The following TMEM132D variants were observed in gnomAD, a reference collection of about 807,000 sequenced individuals.
TMEM132D encodes the protein transmembrane protein 132D, also known as mature OL transmembrane protein.
A neutral mutation model predicts 62.3 loss-of-function variants in TMEM132D; 21 were observed. The observed-to-expected ratio is 0.34, with a 90% confidence interval of 0.24 to 0.49. The LOEUF (loss-of-function observed/expected upper bound fraction) is 0.49. Among genes scored for constraint, TMEM132D ranks in the 20% least tolerant of loss-of-function variants. TMEM132D has a pLI of 0.99. For missense variants in TMEM132D, 1,346 were observed against 1,402.8 expected (o/e 0.96, Z 0.65); for synonymous variants, 621 against 575.6 (o/e 1.08, Z -1.13).
intron 2 of TMEM132D, among the ~76,000 whole-genome samples, chr12:129,687,304 G>T (rs569154972): frequency 6.6e-6 from 1 of 152,154 alleles, no homozygotes; most frequent in South Asian, 2.1e-4. Context: ...TCCTTTTTTG[G>T]GGGAACAAAT....
At chr12:129,555,515 T>G (rs1877029893) in intron 2 of TMEM132D, among the ~76,000 whole-genome samples, 2 of 152,204 alleles carry the variant, frequency 1.3e-5, no homozygotes. Context: ...TCGAAGAGTT[T>G]CATGTATAAA....
At chr12:129,445,861 T>C (rs958339343) in intron 3 of TMEM132D, among the ~76,000 whole-genome samples, 5 of 152,264 alleles carry the variant, frequency 3.3e-5, no homozygotes, top group African/African-American at 1.2e-4. Context: ...GGGATAAACC[T>C]CTGCAGGGGA....
At chr12:129,201,070 A>G (rs1284260969) in intron 5 of TMEM132D, among the ~76,000 whole-genome samples, 1 of 152,226 alleles carries the variant, frequency 6.6e-6, no homozygotes, top group Non-Finnish European at 1.5e-5. Flanking sequence ...GCTGTATAAT[A>G]AAGCAGGTTC....
intron 3 of TMEM132D, among the ~76,000 whole-genome samples, chr12:129,443,276 A>C (rs1056628898): frequency 2.6e-5 from 4 of 152,180 alleles, no homozygotes; most frequent in African/African-American, 9.7e-5. Flanking sequence ...GTCTTTCAGC[A>C]ATGAGATTCT....
intron 3 of TMEM132D, among the ~76,000 whole-genome samples, chr12:129,356,489 A>G (rs1870053371): frequency 6.6e-6 from 1 of 151,620 alleles, no homozygotes; most frequent in Admixed American, 6.6e-5. Context: ...TGCCGAAGTC[A>G]ATTAACAAAT....
chr12:129,267,930 G>A (rs191620078), intron 4 of TMEM132D, among the ~76,000 whole-genome samples: 38 of 152,262 alleles, frequency 2.5e-4, no homozygotes, highest in African/African-American at 9.1e-4. Context: ...ACAAGCAATG[G>A]GGAAAGGATT....
At chr12:129,216,599 G>A (rs981930130) in intron 4 of TMEM132D, among the ~76,000 whole-genome samples, 1 of 152,170 alleles carries the variant, frequency 6.6e-6, no homozygotes, top group Non-Finnish European at 1.5e-5. Context: ...GCATGGCCCT[G>A]GTCACACCAT....
At chr12:129,843,637 AC>A (rs1239700105) in intron 1 of TMEM132D, among the ~76,000 whole-genome samples, 2 of 152,216 alleles carry the variant, frequency 1.3e-5, no homozygotes, top group African/African-American at 4.8e-5. Flanking sequence ...GCAGGAAGGG[AC>A]CTTCACAGTA....
intron 3 of TMEM132D, among the ~76,000 whole-genome samples, chr12:129,447,267 C>T (rs1177054968): frequency 2.6e-5 from 4 of 152,188 alleles, no homozygotes; most frequent in Non-Finnish European, 4.4e-5. Context: ...CTAGGTCAGT[C>T]TTCTCACTTC....
At chr12:129,559,793 C>A (rs1593066052) in intron 2 of TMEM132D, among the ~76,000 whole-genome samples, 1 of 152,162 alleles carries the variant, frequency 6.6e-6, no homozygotes, top group African/African-American at 2.4e-5. Context: ...ACTTCAATTT[C>A]TTTACAATAT....
chr12:129,713,124 A>G (rs1868436789), intron 1 of TMEM132D, among the ~76,000 whole-genome samples: 1 of 152,172 alleles, frequency 6.6e-6, no homozygotes, highest in Admixed American at 6.5e-5. Flanking sequence ...AAGTAGCAGC[A>G]GCACCTGGGA....
intron 4 of TMEM132D, among the ~76,000 whole-genome samples, chr12:129,313,413 C>A (rs1186914073): frequency 6.6e-6 from 1 of 152,102 alleles, no homozygotes; most frequent in Non-Finnish European, 1.5e-5. Context: ...TGAGGACATA[C>A]AATGTTTGAC....
chr12:129,696,808 G>A (rs1020595655), intron 2 of TMEM132D, among the ~76,000 whole-genome samples: 2 of 152,324 alleles, frequency 1.3e-5, no homozygotes, highest in African/African-American at 2.4e-5. Flanking sequence ...TTCACTTGAA[G>A]GAAAACATTT....
chr12:129,090,601 G>C (rs552832876), intron 5 of TMEM132D, among the ~76,000 whole-genome samples: 1 of 152,116 alleles, frequency 6.6e-6, no homozygotes, highest in East Asian at 1.9e-4. Context: ...CCGGGAGGTG[G>C]AAGTTGCAGT....
At chr12:129,124,945 ACAT>A (rs1438098975) in intron 5 of TMEM132D, among the ~76,000 whole-genome samples, 1 of 152,194 alleles carries the variant, frequency 6.6e-6, no homozygotes, top group African/African-American at 2.4e-5. Flanking sequence ...TAATGTAATT[ACAT>A]TTCCCCACCT....
intron 3 of TMEM132D, among the ~76,000 whole-genome samples, chr12:129,525,103 T>C (rs1407964383): frequency 6.7e-6 from 1 of 149,850 alleles, no homozygotes; most frequent in Non-Finnish European, 1.5e-5. Context: ...TTTATTTGTA[T>C]TTTAGTAGAG....
In TMEM132D at chr12:129,700,616, G is replaced by T; in HGVS notation, c.162C>A (p.Asn54Lys). ...TCAGGAAGAAGGAGACGTCCGCGTT[G>T]TTGATGTGGTAGGTCACGGGGAGGT... The part of the protein sequence containing the change: ...PTYLPVTYHI[N>K]NADVSFFLKE... Residue 54 changes from asparagine to lysine, a missense_variant, in exon 2 of 9, where the codon AAC (asparagine) becomes AAA (lysine). Physicochemically the swap from Asn to Lys is moderately conservative, Grantham distance 94. Transcript: ENST00000422113. 2 of 1,614,050 alleles carry T rather than the reference G, an allele frequency of 1.2e-6. No homozygotes were observed. Among genetic ancestry groups the T allele is most frequent in the Non-Finnish European group, 1.7e-6 (2 of 1,180,028 alleles).
intron 4 of TMEM132D, among the ~76,000 whole-genome samples, chr12:129,332,330 A>G (rs1477900047): frequency 1.3e-5 from 2 of 152,186 alleles, no homozygotes; most frequent in East Asian, 1.9e-4. Flanking sequence ...CATTAGGGGG[A>G]AAAAAGGCAA....
At chr12:129,382,494 G>A (rs770601366) in intron 3 of TMEM132D, among the ~76,000 whole-genome samples, 75 of 152,314 alleles carry the variant, frequency 4.9e-4, no homozygotes, top group African/African-American at 1.7e-3. Flanking sequence ...TTTTAGGTAG[G>A]TGGTTTGTGA....
Sources: allele counts gnomAD v4.1 joint callset (sites outside exome capture counted in the v4.1 genomes callset), GRCh38; gene constraint gnomAD v4.1.1; transcripts MANE v1.5; gene names NCBI Gene and HGNC (gene_info 2026-07-23, HGNC 2026-07-21).